The following SLCO1A2 variants were observed in gnomAD, a reference collection of about 807,000 sequenced individuals.
SLCO1A2 encodes solute carrier organic anion transporter family member 1A2.
Under a neutral mutation model 69.0 loss-of-function variants are expected in SLCO1A2, and 67 were observed. The ratio of observed to expected loss-of-function variants is 0.97; its 90% CI spans 0.80 to 1.19. The LOEUF is 1.19. Among genes scored for constraint, SLCO1A2 ranks in the 50% most tolerant of loss-of-function variants. The pLI is 0.00. For synonymous variants in SLCO1A2, 260 were observed against 265.9 expected (o/e 0.98, Z 0.22); for missense variants, 787 against 793.7 (o/e 0.99, Z 0.10).
At chr12:21,372,377 G>C (rs947120260) in intron 2 of SLCO1A2, among the ~76,000 whole-genome samples, 3 of 152,010 alleles carry the variant, frequency 2.0e-5, no homozygotes, top group Non-Finnish European at 4.4e-5. Context: ...CCACAGAGTA[G>C]GTCTTCCATT....
At chr12:21,373,503 A>G in intron 2 of SLCO1A2, 3 of 973,724 alleles carry the variant, frequency 3.1e-6, no homozygotes, top group Non-Finnish European at 5.0e-6. Flanking sequence ...AAATACTGTC[A>G]AATAACTACA....
intron 4 of SLCO1A2, among the ~76,000 whole-genome samples, chr12:21,310,875 T>A (rs550931114): frequency 1.3e-5 from 2 of 152,310 alleles, no homozygotes; most frequent in East Asian, 3.9e-4. Context: ...AGTGCTAGGA[T>A]TATAGGCGTG....
rs763186437 is a variant in SLCO1A2, at chr12:21,300,456, TG to T, written c.801del (p.Asn268ThrfsTer8). ...VLTAIPFFFL[P>X]NTLPKEGLET... ...TCTAGTCCTTCCTTTGGAAGTGTGT[TG>T]GGCAAAAAGAAAAAAGGAATGGCAG... On this transcript the variant is annotated frameshift_variant, in exon 8 of 15. Coordinates refer to ENST00000683939, the MANE Select transcript of SLCO1A2 (RefSeq NM_001386879.1). LOFTEE classifies it high-confidence loss of function. 3 of 1,613,622 alleles carry T rather than the reference TG, an allele frequency of 1.9e-6. No homozygotes were observed. The South Asian group carries it at 3.3e-5, about 18-fold the overall frequency.
chr12:21,399,916 A>G (rs1941629344), upstream of SLCO1A2, among the ~76,000 whole-genome samples: 1 of 151,770 alleles, frequency 6.6e-6, no homozygotes, highest in South Asian at 2.1e-4. Flanking sequence ...CTAAAACCAT[A>G]AAAACCCTAG....
At chr12:21,292,634 C>T (rs1377979375) in intron 11 of SLCO1A2, among the ~76,000 whole-genome samples, 6 of 152,056 alleles carry the variant, frequency 3.9e-5, no homozygotes, top group South Asian at 2.1e-4. Flanking sequence ...CTCACCCTGT[C>T]GCCCAGGCTG....
chr12:21,293,680 G>C (rs139191099), intron 11 of SLCO1A2, among the ~76,000 whole-genome samples: 15 of 151,950 alleles, frequency 9.9e-5, no homozygotes, highest in African/African-American at 3.4e-4. Flanking sequence ...TTTTAGTCCA[G>C]AGTATTTACA....
chr12:21,296,880 A>G (rs1387904481), intron 9 of SLCO1A2, among the ~76,000 whole-genome samples: 1 of 152,180 alleles, frequency 6.6e-6, no homozygotes, highest in Non-Finnish European at 1.5e-5. Context: ...ACTTTTAAAA[A>G]CAGTGGAAAG....
At chr12:21,315,877 C>T (rs1345826773) in intron 3 of SLCO1A2, among the ~76,000 whole-genome samples, 2 of 152,114 alleles carry the variant, frequency 1.3e-5, no homozygotes, top group Non-Finnish European at 2.9e-5. Flanking sequence ...TTTTAAACTG[C>T]CTTGCTCTGT....
intron 2 of SLCO1A2, among the ~76,000 whole-genome samples, chr12:21,330,391 G>A (rs1952534392): frequency 6.6e-6 from 1 of 152,030 alleles, no homozygotes; most frequent in Admixed American, 6.6e-5. Flanking sequence ...CACACTTGTA[G>A]TTCCAGCTAC....
chr12:21,381,792 C>T (rs1330055712), intron 1 of SLCO1A2, among the ~76,000 whole-genome samples: 1 of 151,652 alleles, frequency 6.6e-6, no homozygotes, highest in Non-Finnish European at 1.5e-5. Context: ...GAGACTCCGT[C>T]TCAAAAAGAA....
At chr12:21,377,719 G>A (rs1038841346) in intron 1 of SLCO1A2, among the ~76,000 whole-genome samples, 4 of 152,134 alleles carry the variant, frequency 2.6e-5, no homozygotes, top group Non-Finnish European at 4.4e-5. Flanking sequence ...TCATCCGTGT[G>A]TTGCATATTG....
intron 2 of SLCO1A2, among the ~76,000 whole-genome samples, chr12:21,331,348 G>A (rs1565503528): frequency 6.6e-6 from 1 of 152,054 alleles, no homozygotes; most frequent in East Asian, 1.9e-4. Context: ...TTTTAAGACA[G>A]GAAGCTGCAA....
At chr12:21,409,025 T>C (rs1453139404) in intron 1 of SLCO1A2, among the ~76,000 whole-genome samples, 1 of 152,172 alleles carries the variant, frequency 6.6e-6, no homozygotes, top group African/African-American at 2.4e-5. Flanking sequence ...TCCTGGGTTC[T>C]AAAAGCAACC....
At chr12:21,417,953 G>GAA (rs1942013935) in exon 1 of SLCO1A2, 1 of 152,092 alleles carries the variant, frequency 6.6e-6, no homozygotes, top group African/African-American at 2.4e-5. Context: ...CTTCTGTAAA[G>GAA]AAAACACACT....
chr12:21,373,623 T>C, intron 2 of SLCO1A2: 2 of 700,222 alleles, frequency 2.9e-6, no homozygotes, highest in Admixed American at 2.0e-5. Flanking sequence ...ATAAATATCT[T>C]TGATGGAACT....
At chr12:21,397,050 A>G (rs1941493307), upstream of SLCO1A2, among the ~76,000 whole-genome samples, 1 of 151,990 alleles carries the variant, frequency 6.6e-6, no homozygotes, top group Admixed American at 6.6e-5. Flanking sequence ...AATGGACTAA[A>G]TGCTCCAATT....
intron 2 of SLCO1A2, among the ~76,000 whole-genome samples, chr12:21,371,464 T>C (rs1335956859): frequency 6.6e-6 from 1 of 152,180 alleles, no homozygotes; most frequent in Non-Finnish European, 1.5e-5. Flanking sequence ...AATCATTGAA[T>C]AATTAGAACA....
chr12:21,297,523 A>C lies in SLCO1A2; in HGVS notation c.956T>G (p.Met319Arg). Reference protein sequence around the residue: ...MKSLSCNPIYMLFILVSVIQF... With the variant: ...MKSLSCNPIYRLFILVSVIQF... ...TATCACACTTACAAGTATGAAAAGC[A>C]TATAAATTGGATTGCAGGAAAGACT... Residue 319 changes from methionine to arginine, a missense_variant, in exon 9 of 15, where the codon ATG becomes AGG. Coordinates refer to ENST00000683939, the MANE Select transcript of SLCO1A2 (RefSeq NM_001386879.1). 6.3e-7 allele frequency: 1 copy of C among 1,597,728 alleles called. No homozygotes were observed. Among genetic ancestry groups the C allele is most frequent in the Non-Finnish European group, 8.6e-7 (1 of 1,169,420 alleles).
At chr12:21,362,075 C>T (rs1287882666) in intron 2 of SLCO1A2, among the ~76,000 whole-genome samples, 5 of 152,052 alleles carry the variant, frequency 3.3e-5, no homozygotes, top group Non-Finnish European at 7.4e-5. Context: ...AGAAGAGAAA[C>T]TCCAAGACAC....
Sources: gnomAD v4.1 joint callset for allele counts (sites outside exome capture counted in the v4.1 genomes callset) on GRCh38, gnomAD v4.1.1 for gene constraint, MANE v1.5 for transcripts, NCBI Gene and HGNC (gene_info 2026-07-23, HGNC 2026-07-21) for gene names.